Variants in NIPSNAP3A observed in about 807,000 individuals in gnomAD.
NIPSNAP3A encodes protein NipSnap homolog 3A.
NIPSNAP3A carries 27 observed loss-of-function variants against 32.3 expected under a neutral mutation model. That is an observed-to-expected ratio of 0.84 (90% CI 0.62 to 1.15). The LOEUF (loss-of-function observed/expected upper bound fraction) is 1.15. Ranked by LOEUF, NIPSNAP3A falls within the 50% of genes most tolerant of loss-of-function variation. The pLI, the probability that NIPSNAP3A is intolerant of heterozygous loss-of-function variation, is 0.00. For synonymous variants in NIPSNAP3A, 108 were observed against 107.3 expected (o/e 1.01, Z -0.04); for missense variants, 278 against 297.2 (o/e 0.94, Z 0.48).
chr9:104,752,262 A>G (rs1374219139), intron 2 of NIPSNAP3A, among the ~76,000 whole-genome samples: 1 of 152,178 alleles, frequency 6.6e-6, no homozygotes, highest in Admixed American at 6.5e-5. Context: ...AATGGATGAC[A>G]ATAAGAGAAT....
chr9:104,755,794 C>T (rs1451610032), intron 4 of NIPSNAP3A, among the ~76,000 whole-genome samples: 3 of 151,998 alleles, frequency 2.0e-5, no homozygotes, highest in Non-Finnish European at 2.9e-5. Flanking sequence ...TGGCAAACAC[C>T]TGTAGTCCTA....
chr9:104,759,422 A>C lies in NIPSNAP3A; in HGVS notation c.*84A>C. On this transcript the variant is annotated 3_prime_UTR_variant, in exon 6 of 6. Transcript: ENST00000374767. ...GCTTAAATTCTCCCAAGAGGTTCTC[A>C]CTTTTATTTGAAGGAGGTGTTAAGT... 1 of 1,372,008 alleles carries C rather than the reference A, an allele frequency of 7.3e-7. No homozygotes were observed. The highest frequency in any genetic ancestry group is 1.8e-5 in the Admixed American group (1 of 54,704). The allele number at this position is 1,372,008 out of a possible 1,614,324, so 85.0% of individuals were successfully genotyped here.
chr9:104,755,428 T>G (rs1248469869), intron 4 of NIPSNAP3A, among the ~76,000 whole-genome samples: 5 of 151,992 alleles, frequency 3.3e-5, no homozygotes, highest in Non-Finnish European at 5.9e-5. Flanking sequence ...ATTTACCCAT[T>G]TTCCACCAGT....
At chr9:104,749,493 G>A (rs1827819736) in intron 1 of NIPSNAP3A, among the ~76,000 whole-genome samples, 1 of 152,224 alleles carries the variant, frequency 6.6e-6, no homozygotes, top group African/African-American at 2.4e-5. Context: ...TGGCTAGTCA[G>A]TATAAGCCCT....
Position 104,747,707 on chromosome 9 carries a change from G to C in NIPSNAP3A, c.-86G>C, listed in dbSNP as rs1415641947. The C allele has an allele frequency of 1.4e-6, 2 of 1,382,706 alleles. No homozygotes were observed. The highest frequency in any genetic ancestry group is 1.0e-6 in the Non-Finnish European group (1 of 995,258). The allele number at this position is 1,382,706 out of a possible 1,614,324, so 85.7% of individuals were successfully genotyped here. A position where few individuals can be genotyped will look rare whatever the true frequency, so the allele number is the denominator to read the frequency against. Reference sequence around the variant, plus strand: ...CAGCCTGCGTCTGCCAATGATCCAGGAGCCGCTCCTTTCCACTCGGGAAAC... The same window carrying C: ...CAGCCTGCGTCTGCCAATGATCCAGCAGCCGCTCCTTTCCACTCGGGAAAC... On this transcript the variant is annotated 5_prime_UTR_variant, in exon 1 of 6. Transcript: ENST00000374767.
intron 2 of NIPSNAP3A, among the ~76,000 whole-genome samples, chr9:104,751,608 A>G (rs139558045): frequency 1.1e-3 from 164 of 152,326 alleles, no homozygotes; most frequent in African/African-American, 3.7e-3. Flanking sequence ...TCAGTATTTT[A>G]GCAGAAATAA....
rs1827954486 is a variant in NIPSNAP3A at position 104,759,959 on chromosome 9, C to T, written c.*621C>T. ...CCTGGTATTAAAAATCTAGAAAAGA[C>T]TTGTTGGTTTATGTGCTGAAATGTC... is the stretch of plus-strand genomic sequence containing the variant. On this transcript the variant is annotated 3_prime_UTR_variant, in exon 6 of 6. Coordinates refer to ENST00000374767, the MANE Select transcript of NIPSNAP3A (RefSeq NM_015469.3). 1 of 152,154 alleles carries T rather than the reference C, an allele frequency of 6.6e-6. No individual in the cohort carries two copies. The highest frequency in any genetic ancestry group is 2.4e-5 in the African/African-American group (1 of 41,420). The allele number at this position is 152,154 out of a possible 1,614,324, so 9.4% of individuals were successfully genotyped here. A position where few individuals can be genotyped will look rare whatever the true frequency, so the allele number is the denominator to read the frequency against.
intron 1 of NIPSNAP3A, among the ~76,000 whole-genome samples, chr9:104,748,978 A>G (rs539036273): frequency 2.8e-4 from 42 of 152,140 alleles, no homozygotes; most frequent in Middle Eastern, 3.4e-3. Flanking sequence ...CTCCCCCACC[A>G]TACCCGGCTC....
At chr9:104,754,245 C>G (rs1367411923) in intron 3 of NIPSNAP3A, 2 of 203,938 alleles carry the variant, frequency 9.8e-6, no homozygotes, top group Non-Finnish European at 2.0e-5. Flanking sequence ...TATCATTATA[C>G]ATTCTCAACA....
rs1827866141 is a variant in NIPSNAP3A, at chr9:104,753,124, G to C, written c.430+60G>C. The C allele has an allele frequency of 2.2e-6, 3 of 1,337,826 alleles. No individual in the cohort carries two copies. In the South Asian group the frequency reaches 3.6e-5, roughly 16 times the overall value. 82.9% of individuals were successfully genotyped at this position (1,337,826 alleles called of 1,614,324 possible). On this transcript the variant is annotated intron_variant, in intron 3 of 5. Transcript: ENST00000374767. ...GAATAAAATACTAAAGAACTTAAGT[G>C]ATCAAAACTGAAGTTCCTTTGGAAA...
Position 104,759,275 on chromosome 9 carries a change from CAACT to C in NIPSNAP3A, c.683_686del (p.Asn228ThrfsTer2). On this transcript the variant is annotated frameshift_variant, in exon 6 of 6. Transcript: ENST00000374767. LOFTEE classifies it high-confidence loss of function. ...ATGTTTTTCCAGTTCGGGAAAGTGT[CAACT>C]ACCTAGTATCTCAGCAGAATATGCT... is the stretch of plus-strand genomic sequence containing the variant. 1 of 1,614,078 alleles carries C rather than the reference CAACT, an allele frequency of 6.2e-7. No homozygotes were observed. Among genetic ancestry groups the C allele is most frequent in the Non-Finnish European group, 8.5e-7 (1 of 1,179,998 alleles).
At chr9:104,748,064 C>T (rs374894825) in intron 1 of NIPSNAP3A, among the ~76,000 whole-genome samples, 83 of 141,418 alleles carry the variant, frequency 5.9e-4, no homozygotes, top group African/African-American at 1.9e-3. Context: ...AGGGGAATAC[C>T]CCCAGCCGGG....
At chr9:104,753,209 A>G in intron 3 of NIPSNAP3A, 145 bp downstream of exon 3, 1 of 716,744 alleles carries the variant, frequency 1.4e-6, no homozygotes, top group South Asian at 1.7e-5. Context: ...TGGTAAAAAT[A>G]AATGGGAGCT....
chr9:104,754,847 C>G, intron 4 of NIPSNAP3A, 147 bp downstream of exon 4: 1 of 655,744 alleles, frequency 1.5e-6, no homozygotes, highest in South Asian at 2.0e-5. Flanking sequence ...TTGAGAAAAT[C>G]TGTTTTACAT....
At chr9:104,751,228 TTC>T in intron 2 of NIPSNAP3A, 62 bp downstream of exon 2, 1 of 1,352,916 alleles carries the variant, frequency 7.4e-7, no homozygotes, top group Non-Finnish European at 1.1e-6. Flanking sequence ...TAGATTTTCA[TTC>T]TGTTAAATGT....
rs757057930 is a variant in NIPSNAP3A, at chr9:104,750,946, T to C, written c.61-10T>C. The C allele has an allele frequency of 1.9e-6, 3 of 1,597,580 alleles. No homozygotes were observed. The highest frequency in any genetic ancestry group is 2.6e-6 in the Non-Finnish European group (3 of 1,165,032). On this transcript the variant is annotated splice_polypyrimidine_tract_variant and intron_variant, in intron 1 of 5. Coordinates refer to ENST00000374767, the MANE Select transcript of NIPSNAP3A (RefSeq NM_015469.3). ...TCTCAAGATATTTACATTTGTCTTA[T>C]CTTCTTCAGATGTGCTCATCTTTTG...
intron 1 of NIPSNAP3A, among the ~76,000 whole-genome samples, chr9:104,750,752 C>T (rs144123104): frequency 3.9e-5 from 6 of 152,284 alleles, no homozygotes; most frequent in African/African-American, 1.4e-4. Flanking sequence ...TCTTTCCTTG[C>T]TTTGTGCATT....
rs76424053 is a variant in NIPSNAP3A at position 104,749,179 on chromosome 9, T to G, written c.60+1327T>G. Among the ~76,000 whole-genome samples, 1,161 of 152,342 alleles carry G rather than the reference T, an allele frequency of 7.6e-3. 26 individuals are homozygous for G. The highest frequency in any genetic ancestry group is 0.026 in the African/African-American group (1,099 of 41,574). ...TTGTCACAAATGCCCCATTGGCCTA[T>G]CTCCTGATATATTTTATTATAATAA... On this transcript the variant is annotated intron_variant, in intron 1 of 5. Transcript: ENST00000374767.
Position 104,747,759 on chromosome 9 carries a change from G to A in NIPSNAP3A, c.-34G>A, listed in dbSNP as rs941371626. 1.3e-6 allele frequency: 2 copies of A among 1,596,208 alleles called. No individual in the cohort carries two copies. Among genetic ancestry groups the A allele is most frequent in the East Asian group, 4.5e-5 (2 of 44,290 alleles). The stretch of plus-strand genomic sequence containing the variant: ...TTCAGAGGAGTCTCAGAAAGGACAC[G>A]GCTGGCTGCTTTTCTCAGCGCCGAA... On this transcript the variant is annotated 5_prime_UTR_variant, in exon 1 of 6. Transcript: ENST00000374767.
Sources: allele counts gnomAD v4.1 joint callset (sites outside exome capture counted in the v4.1 genomes callset), GRCh38; gene constraint gnomAD v4.1.1; transcripts MANE v1.5; gene names NCBI Gene and HGNC (gene_info 2026-07-23, HGNC 2026-07-21).